The following GPATCH2 variants were observed in gnomAD, a reference collection of about 807,000 sequenced individuals.
The protein encoded by GPATCH2 is G-patch domain containing 2, also known as G patch domain-containing protein 2.
In GPATCH2, 51 loss-of-function variants were observed where a neutral mutation model predicts 58.0. The ratio of observed to expected loss-of-function variants is 0.88; its 90% CI spans 0.70 to 1.11. The LOEUF (loss-of-function observed/expected upper bound fraction) is 1.11, where lower values mean the gene tolerates loss of function less well. Ranked by LOEUF, GPATCH2 falls within the 50% of genes most tolerant of loss-of-function variation. GPATCH2 has a pLI of 0.00. For synonymous variants in GPATCH2, 222 were observed against 218.5 expected (o/e 1.02, Z -0.14); for missense variants, 625 against 652.2 (o/e 0.96, Z 0.45).
At chr1:217,465,489 A>G (rs112556167) in intron 8 of GPATCH2, among the ~76,000 whole-genome samples, 3,689 of 152,280 alleles carry the variant, frequency 0.024, 152 homozygotes, top group African/African-American at 0.083. Context: ...ATCTCCCACA[A>G]TTCTCACATG....
intron 5 of GPATCH2, among the ~76,000 whole-genome samples, chr1:217,567,134 C>A (rs561733438): frequency 2.0e-5 from 3 of 151,430 alleles, no homozygotes; most frequent in South Asian, 2.1e-4. Flanking sequence ...GCAACCTCCA[C>A]CTCCTAGGTT....
intron 5 of GPATCH2, among the ~76,000 whole-genome samples, chr1:217,600,045 C>A (rs1446145585): frequency 6.6e-6 from 1 of 152,042 alleles, no homozygotes; most frequent in Non-Finnish European, 1.5e-5. Context: ...AACACTCCTG[C>A]AAGTTCAGAA....
In GPATCH2 at chr1:217,492,998, A is replaced by G. The variant is rs192344251; in HGVS notation, c.1207-1248T>C. Among the ~76,000 whole-genome samples the G allele has an allele frequency of 1.4e-3, 217 of 152,314 alleles. 1 individual carries two copies. The highest frequency in any genetic ancestry group is 4.8e-3 in the African/African-American group (198 of 41,574). ...TTGAGAAGGAATAGACCTTCCTTAG[A>G]TGATCAAGAATATGGTTAGGCTCAT... On this transcript the variant is annotated intron_variant, in intron 7 of 9. Coordinates refer to ENST00000366935, the MANE Select transcript of GPATCH2 (RefSeq NM_018040.5).
chr1:217,503,284 A>T (rs1415326452), intron 6 of GPATCH2, among the ~76,000 whole-genome samples: 3 of 152,152 alleles, frequency 2.0e-5, no homozygotes, highest in African/African-American at 7.2e-5. Flanking sequence ...GTTTCTAAAA[A>T]GTGACGTAGG....
At chr1:217,503,845 T>G (rs1287553707) in intron 6 of GPATCH2, among the ~76,000 whole-genome samples, 1 of 152,134 alleles carries the variant, frequency 6.6e-6, no homozygotes, top group Non-Finnish European at 1.5e-5. Context: ...ATCCAACTGT[T>G]GGTCAAAGGA....
chr1:217,590,015 G>A (rs540856651), intron 5 of GPATCH2, among the ~76,000 whole-genome samples: 1 of 150,490 alleles, frequency 6.6e-6, no homozygotes, highest in Admixed American at 6.6e-5. Flanking sequence ...ACTATGGTCT[G>A]TACAACGTCT....
At chr1:217,615,930 T>G (rs1264331644) in intron 2 of GPATCH2, among the ~76,000 whole-genome samples, 1 of 152,092 alleles carries the variant, frequency 6.6e-6, no homozygotes, top group African/African-American at 2.4e-5. Context: ...CTCTAATCTA[T>G]TCTACATACA....
intron 8 of GPATCH2, among the ~76,000 whole-genome samples, chr1:217,489,268 C>T (rs1661604267): frequency 6.6e-6 from 1 of 151,938 alleles, no homozygotes; most frequent in African/African-American, 2.4e-5. Context: ...TTGACGGGGG[C>T]AATATTTTAA....
At chr1:217,617,223 A>C (rs1396899782) in intron 2 of GPATCH2, among the ~76,000 whole-genome samples, 1 of 152,126 alleles carries the variant, frequency 6.6e-6, no homozygotes, top group Non-Finnish European at 1.5e-5. Context: ...GGTAAAAACA[A>C]AGTATGTATT....
At chr1:217,630,843 C>T in intron 1 of GPATCH2, 73 bp downstream of exon 1, 1 of 1,100,160 alleles carries the variant, frequency 9.1e-7, no homozygotes, top group Non-Finnish European at 1.3e-6. Flanking sequence ...GCCTCCATTC[C>T]AGGTCCAGCG....
intron 6 of GPATCH2, 33 bp downstream of exon 6, chr1:217,514,789 C>T: frequency 1.0e-6 from 1 of 972,588 alleles, no homozygotes; most frequent in Non-Finnish European, 1.7e-6. Flanking sequence ...TAGAATACTC[C>T]AATAAGGTTA....
chr1:217,598,516 A>G (rs1391814667), intron 5 of GPATCH2, among the ~76,000 whole-genome samples: 2 of 151,762 alleles, frequency 1.3e-5, no homozygotes, highest in African/African-American at 4.8e-5. Context: ...GCAGTGGCGC[A>G]GTCTTGGTTC....
chr1:217,487,071 CTCCCTGTATTTCATATTTTATTT>C, intron 8 of GPATCH2, among the ~76,000 whole-genome samples: 1 of 152,338 alleles, frequency 6.6e-6, no homozygotes, highest in South Asian at 2.1e-4. Context: ...ATATTTTATT[CTCCCTGTATTTCATATTTTATTT>C]TCCCTCAGCC....
rs1043241179 is a variant in GPATCH2 at position 217,554,465 on chromosome 1, G to A, written c.1099-39576C>T. Among the ~76,000 whole-genome samples, 5 of 152,084 alleles carry A rather than the reference G, an allele frequency of 3.3e-5. 1 individual carries two copies. The South Asian group carries it at 6.2e-4, about 19-fold the overall frequency. On this transcript the variant is annotated intron_variant, in intron 5 of 9. Coordinates refer to ENST00000366935, the MANE Select transcript of GPATCH2 (RefSeq NM_018040.5). The stretch of plus-strand genomic sequence containing the variant: ...ATTGATTAACTTGTATCTATAGTAC[G>A]ACAAACACTAAGAGGTGACAGTCAC...
chr1:217,452,996 C>T (rs1659742738), intron 8 of GPATCH2, among the ~76,000 whole-genome samples: 1 of 152,180 alleles, frequency 6.6e-6, no homozygotes, highest in Admixed American at 6.5e-5. Context: ...CAGACAGGTG[C>T]AGTGGAGTTG....
At chr1:217,570,068 T>C (rs1024791745) in intron 5 of GPATCH2, among the ~76,000 whole-genome samples, 27 of 152,138 alleles carry the variant, frequency 1.8e-4, no homozygotes, top group African/African-American at 5.6e-4. Flanking sequence ...AATATTTACA[T>C]TGTAAAGATA....
chr1:217,444,913 A>G (rs1659315113), intron 9 of GPATCH2, among the ~76,000 whole-genome samples: 1 of 152,230 alleles, frequency 6.6e-6, no homozygotes, highest in East Asian at 1.9e-4. Flanking sequence ...TATATTTGGC[A>G]TGACTTTTAA....
At chr1:217,453,125 C>T (rs894396870) in intron 8 of GPATCH2, among the ~76,000 whole-genome samples, 1 of 152,184 alleles carries the variant, frequency 6.6e-6, no homozygotes. Context: ...CTTGTTTCTT[C>T]AGTCTAAATG....
intron 6 of GPATCH2, among the ~76,000 whole-genome samples, chr1:217,505,799 T>G (rs1341779786): frequency 6.6e-6 from 1 of 152,122 alleles, no homozygotes; most frequent in Non-Finnish European, 1.5e-5. Flanking sequence ...TTATTTAAAT[T>G]TACTTTATTC....
Sources: allele counts gnomAD v4.1 joint callset (sites outside exome capture counted in the v4.1 genomes callset), GRCh38; gene constraint gnomAD v4.1.1; transcripts MANE v1.5; gene names NCBI Gene and HGNC (gene_info 2026-07-23, HGNC 2026-07-21).